SGCZ: variants seen among roughly 807,000 people sequenced by gnomAD.
The protein encoded by SGCZ is sarcoglycan zeta.
Under a neutral mutation model 41.3 loss-of-function variants are expected in SGCZ, and 40 were observed. The ratio of observed to expected loss-of-function variants is 0.97; its 90% CI spans 0.75 to 1.26. The LOEUF (loss-of-function observed/expected upper bound fraction) is 1.26. Ranked by LOEUF, SGCZ falls within the 50% of genes most tolerant of loss-of-function variation. SGCZ has a pLI of 0.00. For missense variants in SGCZ, 552 were observed against 369.8 expected (o/e 1.49, Z -4.04); for synonymous variants, 206 against 137.5 (o/e 1.50, Z -3.49).
At chr8:14,856,991 G>A (rs939681814) in intron 1 of SGCZ, among the ~76,000 whole-genome samples, 1 of 152,158 alleles carries the variant, frequency 6.6e-6, no homozygotes, top group Non-Finnish European at 1.5e-5. Context: ...AACCCCCAGT[G>A]TTGGAGGAGG....
At chr8:14,485,833 ATTTT>A (rs71209049) in intron 2 of SGCZ, among the ~76,000 whole-genome samples, 1 of 103,380 alleles carries the variant, frequency 9.7e-6, no homozygotes, top group Non-Finnish European at 1.9e-5. Context: ...CTCTAGAACA[ATTTT>A]TTTTTTTTTT....
chr8:14,541,861 T>A (rs1563397664), intron 2 of SGCZ, among the ~76,000 whole-genome samples: 1 of 152,200 alleles, frequency 6.6e-6, no homozygotes, highest in African/African-American at 2.4e-5. Flanking sequence ...GTGGTTTTGA[T>A]TTCCATTTTC....
intron 1 of SGCZ, among the ~76,000 whole-genome samples, chr8:15,226,399 T>A (rs994123035): frequency 6.6e-6 from 1 of 152,204 alleles, no homozygotes; most frequent in African/African-American, 2.4e-5. Flanking sequence ...TTCATCAAGA[T>A]AGAAAATCAA....
intron 4 of SGCZ, among the ~76,000 whole-genome samples, chr8:14,228,742 C>G (rs1027346104): frequency 6.6e-6 from 1 of 151,928 alleles, no homozygotes; most frequent in Non-Finnish European, 1.5e-5. Context: ...ATCCTATCAC[C>G]CTCATTTATA....
At chr8:14,794,308 C>A (rs1283823468) in intron 1 of SGCZ, among the ~76,000 whole-genome samples, 2 of 151,896 alleles carry the variant, frequency 1.3e-5, no homozygotes, top group Admixed American at 6.6e-5. Flanking sequence ...AAGAACATTT[C>A]TTTAAAAATT....
At chr8:15,154,478 C>A (rs1203696896) in intron 1 of SGCZ, among the ~76,000 whole-genome samples, 1 of 152,090 alleles carries the variant, frequency 6.6e-6, no homozygotes, top group Non-Finnish European at 1.5e-5. Context: ...GAGAGGGTCA[C>A]CAGAGAGGGG....
At position 14,802,089 on chromosome 8, in the gene SGCZ, G is replaced by A. The variant is rs552114122; in HGVS notation, c.40-247163C>T. Among the ~76,000 whole-genome samples, 6 of 152,222 alleles carry A rather than the reference G, an allele frequency of 3.9e-5. No individual in the cohort carries two copies. The East Asian group carries it at 7.7e-4, about 20-fold the overall frequency. On this transcript the variant is annotated intron_variant, in intron 1 of 7. Transcript: ENST00000382080. ...GAGAAAAGAGCATGTTGGAAATGAC[G>A]GGTTGCGTTAACTATGATTTAGCCA...
intron 3 of SGCZ, among the ~76,000 whole-genome samples, chr8:14,242,542 T>C (rs1798927826): frequency 6.6e-6 from 1 of 152,178 alleles, no homozygotes. Context: ...ATTTATGTGC[T>C]TGTTATAAGG....
intron 2 of SGCZ, among the ~76,000 whole-genome samples, chr8:14,360,722 T>C (rs1803481017): frequency 6.6e-6 from 1 of 152,204 alleles, no homozygotes; most frequent in African/African-American, 2.4e-5. Context: ...ATCTAAATTG[T>C]TTCTAGGTTT....
intron 1 of SGCZ, among the ~76,000 whole-genome samples, chr8:15,056,740 T>A (rs1804721626): frequency 6.6e-6 from 1 of 152,162 alleles, no homozygotes; most frequent in Non-Finnish European, 1.5e-5. Context: ...AAGACGTCAA[T>A]ATTCATACAG....
rs182573802 is a variant in SGCZ at position 14,290,140 on chromosome 8, G to A, written c.336+33963C>T. On this transcript the variant is annotated intron_variant, in intron 3 of 7. Coordinates refer to ENST00000382080, the MANE Select transcript of SGCZ (RefSeq NM_139167.4). ...TTGGGTGGTGACACAGAGCCAAACT[G>A]TATTAAGAACAAAATTAAACCTTAT... Among the ~76,000 whole-genome samples the A allele has an allele frequency of 3.0e-4, 45 of 152,028 alleles. No homozygotes were observed. The Middle Eastern group carries it at 0.01, about 34-fold the overall frequency.
At chr8:14,894,047 G>A (rs1346678150) in intron 1 of SGCZ, among the ~76,000 whole-genome samples, 1 of 152,060 alleles carries the variant, frequency 6.6e-6, no homozygotes, top group African/African-American at 2.4e-5. Context: ...TGAGACTCAA[G>A]TCCCTTCACA....
chr8:15,096,039 T>G (rs2131071252), intron 1 of SGCZ, among the ~76,000 whole-genome samples: 1 of 152,262 alleles, frequency 6.6e-6, no homozygotes, highest in East Asian at 1.9e-4. Context: ...TGTGCCTTAT[T>G]TAATCCATAC....
chr8:14,137,073 G>A (rs183505169), intron 5 of SGCZ, among the ~76,000 whole-genome samples: 1 of 152,182 alleles, frequency 6.6e-6, no homozygotes, highest in Non-Finnish European at 1.5e-5. Flanking sequence ...CAGACCTGCA[G>A]CTATGGGTCC....
At chr8:14,495,414 C>A (rs533316669) in intron 2 of SGCZ, among the ~76,000 whole-genome samples, 1 of 152,168 alleles carries the variant, frequency 6.6e-6, no homozygotes, top group East Asian at 1.9e-4. Flanking sequence ...AGTTTACGGA[C>A]CAAACACTAA....
chr8:14,337,086 G>A (rs1277603301), intron 2 of SGCZ, among the ~76,000 whole-genome samples: 1 of 152,136 alleles, frequency 6.6e-6, no homozygotes, highest in Admixed American at 6.6e-5. Flanking sequence ...GCCCTTTCAA[G>A]TATCTCCATA....
intron 2 of SGCZ, among the ~76,000 whole-genome samples, chr8:14,540,319 ATTAGAGG>A (rs1803425841): frequency 8.2e-6 from 1 of 121,898 alleles, no homozygotes. Flanking sequence ...CCTTTTTTTC[ATTAGAGG>A]TATCATGAGT....
At position 15,054,800 on chromosome 8, in the gene SGCZ, C is replaced by CA. The variant is rs550396890; in HGVS notation, c.39+182784dup. Among the ~76,000 whole-genome samples, 322 of 141,342 alleles carry CA rather than the reference C, an allele frequency of 2.3e-3. 2 individuals are homozygous for CA. In the South Asian group the frequency reaches 0.027, roughly 12 times the overall value. 92.7% of individuals were successfully genotyped at this position (141,342 alleles called of 152,430 possible). A position where few individuals can be genotyped will look rare whatever the true frequency, so the allele number is the denominator to read the frequency against. On this transcript the variant is annotated intron_variant, in intron 1 of 7. Transcript: ENST00000382080. The stretch of plus-strand genomic sequence containing the variant: ...AAACCCCGTCTCTACTAAAAAAATA[C>CA]AAAAAAAAAAAATTAGCCGGGCATT...
At chr8:14,773,420 T>A (rs1285715299) in intron 1 of SGCZ, among the ~76,000 whole-genome samples, 3 of 152,150 alleles carry the variant, frequency 2.0e-5, no homozygotes, top group Non-Finnish European at 2.9e-5. Flanking sequence ...GTGCCTTTGT[T>A]CCTGGTCGTG....
Sources: allele counts gnomAD v4.1 joint callset (sites outside exome capture counted in the v4.1 genomes callset), GRCh38; gene constraint gnomAD v4.1.1; transcripts MANE v1.5; gene names NCBI Gene and HGNC (gene_info 2026-07-23, HGNC 2026-07-21).